ATAD2B: variants seen among roughly 807,000 people sequenced by gnomAD.
ATAD2B encodes the protein ATPase family AAA domain-containing protein 2B.
ATAD2B carries 40 observed loss-of-function variants against 167.6 expected under a neutral mutation model. That is an observed-to-expected ratio of 0.24 (90% CI 0.19 to 0.31). ATAD2B has a LOEUF of 0.31. ATAD2B is among the 10% of genes least tolerant of loss of function. The pLI, the probability that ATAD2B is intolerant of heterozygous loss-of-function variation, is 1.00. For synonymous variants in ATAD2B, 579 were observed against 596.5 expected, an observed-to-expected ratio of 0.97 and a Z score of 0.43; for missense variants, 1,242 against 1,757.2, an observed-to-expected ratio of 0.71 and a Z score of 5.24.
the ATAD2B span, chr2:23,706,923 C>T: frequency 3.7e-4 from 146 of 390,618 alleles, 1 homozygote; most frequent in African/African-American, 2.9e-3. Context: ...GGGGCGCTCG[C>T]TCTGCCAGGT....
intron 7 of ATAD2B, among the ~76,000 whole-genome samples, chr2:23,878,812 G>A (rs1248641473): frequency 1.3e-5 from 2 of 151,918 alleles, no homozygotes; most frequent in Non-Finnish European, 2.9e-5. Context: ...GAACATATAA[G>A]GAATCTCAAA....
chr2:23,834,632 A>G (rs1043876309), intron 13 of ATAD2B, among the ~76,000 whole-genome samples: 7 of 152,230 alleles, frequency 4.6e-5, no homozygotes, highest in Non-Finnish European at 8.8e-5. Context: ...TTTCTTCTTC[A>G]AAGGATACTA....
At chr2:23,803,992 C>T (rs1303777976) in intron 18 of ATAD2B, among the ~76,000 whole-genome samples, 5 of 152,092 alleles carry the variant, frequency 3.3e-5, no homozygotes, top group Admixed American at 1.3e-4. Context: ...AGAGAGATAC[C>T]TCTGAGTATA....
rs142669904 is a variant in ATAD2B, at chr2:23,912,041, C to A, written c.216+14514G>T. On this transcript the variant is annotated intron_variant, in intron 1 of 27. Coordinates refer to ENST00000238789, the MANE Select transcript of ATAD2B (RefSeq NM_017552.4). ...CTTAGTGAATATCTATAATCCTACA[C>A]CCCTAACTGCAGAATACATATTCTT... Among the ~76,000 whole-genome samples, 522 of 151,086 alleles carry A rather than the reference C, an allele frequency of 3.5e-3. 4 individuals are homozygous for A. The highest frequency in any genetic ancestry group is 0.012 in the African/African-American group (507 of 41,268).
chr2:23,734,622 A>G, the ATAD2B span, among the ~76,000 whole-genome samples: 1 of 152,156 alleles, frequency 6.6e-6, no homozygotes, highest in African/African-American at 2.4e-5. Context: ...AGAGAGAGAT[A>G]AGTGGGAGGT....
At chr2:23,791,524 C>T (rs1258684788) in intron 19 of ATAD2B, among the ~76,000 whole-genome samples, 1 of 151,218 alleles carries the variant, frequency 6.6e-6, no homozygotes, top group Non-Finnish European at 1.5e-5. Context: ...TCTTGCCCAA[C>T]CTATATTTTA....
rs151295027 is a variant in ATAD2B at position 23,782,475 on chromosome 2, C to T, written c.3133+394G>A. ...AACAATCAAAAGAACAGATAACATT[C>T]TACATAAAGAACAGATAACATTCCA... On this transcript the variant is annotated intron_variant, in intron 22 of 27. Transcript: ENST00000238789. Among the ~76,000 whole-genome samples, 978 of 152,258 alleles carry T rather than the reference C, an allele frequency of 6.4e-3. 5 individuals are homozygous for T. Among genetic ancestry groups the T allele is most frequent in the African/African-American group, 0.022 (927 of 41,550 alleles).
At position 23,786,197 on chromosome 2, in the gene ATAD2B, G is replaced by C. The variant is rs555087582; in HGVS notation, c.2803C>G (p.Leu935Val). ...TGACGAGGTGGAGAAGGTAGTGCAAGAGGAAGCACTTCCATAGCACAAAGA... is the reference window on the plus strand; with the variant it reads ...TGACGAGGTGGAGAAGGTAGTGCAACAGGAAGCACTTCCATAGCACAAAGA... The part of the protein sequence containing the change: ...AALCAMEVLP[L>V]ALPSPPRQLS... Residue 935 changes from leucine (L) to valine (V), a missense_variant, in exon 21 of 28, where the codon CTT becomes GTT. By Grantham distance (32) the Leu-to-Val change is conservative. Around this residue, in one of 9 missense-constraint regions of ATAD2B, gnomAD observed 204 missense variants for 324.0 expected, o/e 0.63. Coordinates refer to ENST00000238789, the MANE Select transcript of ATAD2B (RefSeq NM_017552.4). 3 of 1,585,940 alleles carry C rather than the reference G, an allele frequency of 1.9e-6. No individual in the cohort carries two copies. The highest frequency in any genetic ancestry group is 2.6e-6 in the Non-Finnish European group (3 of 1,165,416).
At chr2:23,872,420 A>G in intron 8 of ATAD2B, 1 of 714,496 alleles carries the variant, frequency 1.4e-6, no homozygotes, top group Non-Finnish European at 2.6e-6. Context: ...AGACCATCCA[A>G]ATGTTTCACA....
At chr2:23,695,840 C>A in the ATAD2B span, 3 of 1,542,290 alleles carry the variant, frequency 1.9e-6, no homozygotes, top group Admixed American at 6.0e-5. The surrounding 1 kb of genome is among the most constrained non-coding windows in gnomAD (Gnocchi z 7.6). Context: ...GGGCACGCCC[C>A]GAACCTCCCA....
At chr2:23,913,760 G>T (rs1184369067) in intron 1 of ATAD2B, among the ~76,000 whole-genome samples, 1 of 151,890 alleles carries the variant, frequency 6.6e-6, no homozygotes. Flanking sequence ...ACAAAAAGGA[G>T]AAACTTGTCC....
intron 1 of ATAD2B, among the ~76,000 whole-genome samples, chr2:23,915,671 A>C (rs2150595618): frequency 7.4e-6 from 1 of 134,450 alleles, no homozygotes; most frequent in Non-Finnish European, 1.5e-5. Context: ...AGCTCACTGC[A>C]GCCTCCTCCT....
chr2:23,744,453 A>G (rs1270762769), downstream of ATAD2B, among the ~76,000 whole-genome samples: 1 of 152,234 alleles, frequency 6.6e-6, no homozygotes, highest in African/African-American at 2.4e-5. Context: ...TAAACCCACA[A>G]AACAATGTTT....
intron 1 of ATAD2B, among the ~76,000 whole-genome samples, chr2:23,924,891 G>C (rs1704486399): frequency 6.6e-6 from 1 of 151,974 alleles, no homozygotes; most frequent in African/African-American, 2.4e-5. Context: ...CTTATTCCTC[G>C]GGGGGTGAGG....
chr2:23,766,234 C>T (rs1266253420), intron 22 of ATAD2B, among the ~76,000 whole-genome samples: 1 of 152,188 alleles, frequency 6.6e-6, no homozygotes, highest in Middle Eastern at 3.4e-3. Context: ...AAAAATGGTA[C>T]TAAAAGAGGA....
At chr2:23,700,391 C>A in the ATAD2B span, among the ~76,000 whole-genome samples, 1 of 152,140 alleles carries the variant, frequency 6.6e-6, no homozygotes, top group Non-Finnish European at 1.5e-5. This position sits in a 1 kb window ranked among gnomAD's most constrained non-coding sequence, Gnocchi z 4.6. Flanking sequence ...TAATTTTTTA[C>A]TACATGTTAC....
At chr2:23,702,755 C>A in the ATAD2B span, among the ~76,000 whole-genome samples, 3 of 152,198 alleles carry the variant, frequency 2.0e-5, no homozygotes, top group African/African-American at 4.8e-5. Context: ...GCCTTCCCCA[C>A]GAGGCCATAA....
intron 1 of ATAD2B, among the ~76,000 whole-genome samples, chr2:23,903,823 T>A (rs951128978): frequency 6.6e-6 from 1 of 152,112 alleles, no homozygotes; most frequent in African/African-American, 2.4e-5. Flanking sequence ...CATTTAGAAT[T>A]GGGAAAATCA....
intron 2 of ATAD2B, among the ~76,000 whole-genome samples, chr2:23,894,747 A>G (rs537562283): frequency 6.6e-6 from 1 of 152,340 alleles, no homozygotes; most frequent in Admixed American, 6.5e-5. Context: ...TAACATCATC[A>G]TAATGATCCA....
Sources: allele counts gnomAD v4.1 joint callset (sites outside exome capture counted in the v4.1 genomes callset), GRCh38; gene constraint gnomAD v4.1.1; regional missense constraint gnomAD v4.1.1; non-coding constraint Gnocchi (gnomAD v3.1); transcripts MANE v1.5; gene names NCBI Gene and HGNC (gene_info 2026-07-23, HGNC 2026-07-21).